The following MYO5B variants were observed in gnomAD, a reference collection of about 807,000 sequenced individuals.
MYO5B encodes unconventional myosin-Vb.
MYO5B carries 143 observed loss-of-function variants against 229.3 expected under a neutral mutation model. The observed-to-expected ratio is 0.62, with a 90% CI of 0.54 to 0.72. MYO5B has a LOEUF of 0.72. Ranked by LOEUF, MYO5B falls within the 30% of genes least tolerant of loss-of-function variation. MYO5B has a pLI of 0.00. For synonymous variants in MYO5B, 918 were observed against 885.2 expected (o/e 1.04, Z -0.66); for missense variants, 2,321 against 2,331.0 (o/e 1.00, Z 0.09).
chr18:50,121,223 GT>G (rs1166072244), intron 1 of MYO5B, among the ~76,000 whole-genome samples: 1 of 152,122 alleles, frequency 6.6e-6, no homozygotes, highest in African/African-American at 2.4e-5. Flanking sequence ...GCGTGCCCAC[GT>G]GGTCTTCATT....
chr18:50,119,267 C>A lies in MYO5B; in HGVS notation c.28-63889G>T, dbSNP rs189304616. ...TTCTATCCCAGACGAGGGGCTCCTC[C>A]AACAGCATTTATATTGATTTTAAAC... On this transcript the variant is annotated intron_variant, in intron 1 of 39. Transcript: ENST00000285039. Among the ~76,000 whole-genome samples, 34 of 152,264 alleles carry A rather than the reference C, an allele frequency of 2.2e-4. No homozygotes were observed. In the East Asian group the frequency reaches 5.4e-3, roughly 24 times the overall value.
intron 1 of MYO5B, among the ~76,000 whole-genome samples, chr18:50,150,768 T>G (rs939393200): frequency 2.6e-5 from 4 of 152,026 alleles, no homozygotes; most frequent in African/African-American, 9.7e-5. Flanking sequence ...CACCAGCACG[T>G]CACATGTATA....
intron 27 of MYO5B, among the ~76,000 whole-genome samples, chr18:49,865,775 A>G (rs2024388898): frequency 6.6e-6 from 1 of 152,156 alleles, no homozygotes; most frequent in Non-Finnish European, 1.5e-5. Context: ...CTCAGCTGTG[A>G]GATTGTGCCT....
intron 4 of MYO5B, among the ~76,000 whole-genome samples, chr18:50,021,180 C>T (rs1438845676): frequency 1.3e-5 from 2 of 152,200 alleles, no homozygotes; most frequent in Non-Finnish European, 2.9e-5. Flanking sequence ...CAGGTCGGCT[C>T]ACACAGGGCC....
intron 18 of MYO5B, among the ~76,000 whole-genome samples, chr18:49,911,368 T>C (rs922261546): frequency 6.6e-6 from 1 of 152,160 alleles, no homozygotes; most frequent in South Asian, 2.1e-4. Context: ...ACAAATCTTC[T>C]TGGAAGGCCT....
At chr18:49,994,831 G>A (rs2025970090) in intron 5 of MYO5B, among the ~76,000 whole-genome samples, 1 of 152,200 alleles carries the variant, frequency 6.6e-6, no homozygotes. Flanking sequence ...ATTTCTACTT[G>A]AAAAATGGAA....
At chr18:50,101,381 G>A (rs1308956256) in intron 1 of MYO5B, among the ~76,000 whole-genome samples, 1 of 152,178 alleles carries the variant, frequency 6.6e-6, no homozygotes, top group African/African-American at 2.4e-5. Context: ...TCATATTCCT[G>A]TATGGGGCCA....
chr18:50,045,767 A>G (rs1021262346), intron 2 of MYO5B, among the ~76,000 whole-genome samples: 25 of 152,336 alleles, frequency 1.6e-4, no homozygotes, highest in African/African-American at 6.0e-4. Context: ...CTGACACATT[A>G]GACAACTGAG....
intron 1 of MYO5B, among the ~76,000 whole-genome samples, chr18:50,136,355 TTTTTTTTAC>T (rs2032335097): frequency 8.5e-6 from 1 of 117,908 alleles, no homozygotes; most frequent in Non-Finnish European, 1.7e-5. Flanking sequence ...GTTTTTTGTT[TTTTTTTTAC>T]TTTTTTTTTT....
intron 7 of MYO5B, among the ~76,000 whole-genome samples, chr18:49,985,100 G>A (rs186788223): frequency 3.3e-4 from 51 of 152,284 alleles, no homozygotes; most frequent in African/African-American, 1.0e-3. Context: ...AGGCATATAC[G>A]TCACAGACAA....
At chr18:49,925,446 C>A (rs751972656) in intron 17 of MYO5B, among the ~76,000 whole-genome samples, 7 of 152,248 alleles carry the variant, frequency 4.6e-5, no homozygotes, top group Non-Finnish European at 8.8e-5. Flanking sequence ...GACACATGTT[C>A]TAAGGATCTC....
At chr18:50,031,808 A>T (rs1382791826) in intron 4 of MYO5B, among the ~76,000 whole-genome samples, 1 of 152,224 alleles carries the variant, frequency 6.6e-6, no homozygotes, top group Non-Finnish European at 1.5e-5. Context: ...TTTCTCAAAC[A>T]GTGTTGCACA....
At chr18:50,152,204 G>A (rs1330782597) in intron 1 of MYO5B, among the ~76,000 whole-genome samples, 2 of 152,126 alleles carry the variant, frequency 1.3e-5, no homozygotes, top group Admixed American at 6.5e-5. Flanking sequence ...CCCCCACCCC[G>A]TGTTTTCTGC....
Position 49,878,985 on chromosome 18 carries a change from T to TG in MYO5B, c.3235dup (p.Gln1079ProfsTer9). ...TTCATCCCGAAGGTTGTCGTATCTCTGCTCCAACTGTGAATATTCCTTCAC... is the reference window on the plus strand; with the variant it reads ...TTCATCCCGAAGGTTGTCGTATCTCTGGCTCCAACTGTGAATATTCCTTCAC... On this transcript the variant is annotated frameshift_variant, in exon 24 of 40. Coordinates refer to ENST00000285039, the MANE Select transcript of MYO5B (RefSeq NM_001080467.3). LOFTEE classifies it high-confidence loss of function. 5.6e-6 allele frequency: 9 copies of TG among 1,614,212 alleles called. No individual in the cohort carries two copies. The highest frequency in any genetic ancestry group is 7.6e-6 in the Non-Finnish European group (9 of 1,180,030).
chr18:49,974,362 A>G lies in MYO5B; in HGVS notation c.1310T>C (p.Leu437Pro). ...GCGGCAGGCCTACCCATAGATGTCC[A>G]GGACCCCGATGAAGGAGTGCTGCTT... is the stretch of plus-strand genomic sequence containing the variant. ...SLKQHSFIGVLDIYGFETFEV... is the reference protein window; with the variant it reads ...SLKQHSFIGVPDIYGFETFEV... The change falls in exon 10 of 40, where the codon CTG (leucine) becomes CCG (proline). Residue 437 changes from leucine to proline, a missense_variant. By Grantham distance (98) the Leu-to-Pro change is moderately conservative. Around this residue, in one of 2 missense-constraint regions of MYO5B, gnomAD observed 2,113 missense variants for 2,044.7 expected, o/e 1.03. Transcript: ENST00000285039. 1 of 1,614,206 alleles carries G rather than the reference A, an allele frequency of 6.2e-7. No individual in the cohort carries two copies. The highest frequency in any genetic ancestry group is 1.7e-5 in the Admixed American group (1 of 60,012).
chr18:49,988,902 G>A (rs16951365), intron 7 of MYO5B, among the ~76,000 whole-genome samples: 2,612 of 152,258 alleles, frequency 0.017, 79 homozygotes, highest in African/African-American at 0.06. Context: ...ATCGTGTTCC[G>A]GGGAAAATCA....
chr18:50,094,603 G>C (rs1350429405), intron 1 of MYO5B, among the ~76,000 whole-genome samples: 1 of 152,134 alleles, frequency 6.6e-6, no homozygotes, highest in Non-Finnish European at 1.5e-5. Context: ...GAGCTACACT[G>C]CTGCCCCATG....
chr18:50,110,821 G>A (rs776051621), intron 1 of MYO5B, among the ~76,000 whole-genome samples: 44 of 152,020 alleles, frequency 2.9e-4, no homozygotes, highest in Non-Finnish European at 5.7e-4. Context: ...GAGTCTGTTA[G>A]AAAAATAAAA....
chr18:50,185,204 C>T (rs1202816425), intron 1 of MYO5B, among the ~76,000 whole-genome samples: 1 of 151,660 alleles, frequency 6.6e-6, no homozygotes, highest in Non-Finnish European at 1.5e-5. Context: ...AATGTAGAGC[C>T]TACCAAGCAT....
Sources: allele counts gnomAD v4.1 joint callset (sites outside exome capture counted in the v4.1 genomes callset), GRCh38; gene constraint gnomAD v4.1.1; regional missense constraint gnomAD v4.1.1; transcripts MANE v1.5; gene names NCBI Gene and HGNC (gene_info 2026-07-23, HGNC 2026-07-21).